The following LAMA1 variants were observed in gnomAD, a reference collection of about 807,000 sequenced individuals.
LAMA1 encodes the protein laminin subunit alpha 1.
LAMA1 carries 219 observed loss-of-function variants against 348.7 expected under a neutral mutation model. The observed-to-expected ratio is 0.63, with a 90% CI of 0.56 to 0.70. The LOEUF is 0.70. Ranked by LOEUF, LAMA1 falls within the 30% of genes least tolerant of loss-of-function variation. The probability of loss-of-function intolerance (pLI) is 0.00; values close to 1 mark genes in which losing one functional copy is unlikely to be tolerated. For synonymous variants in LAMA1, 1,487 were observed against 1,491.0 expected, an observed-to-expected ratio of 1.00 and a Z score of 0.06; for missense variants, 3,744 against 3,888.0, an observed-to-expected ratio of 0.96 and a Z score of 0.99.
chr18:6,978,465 G>T (rs981261303), intron 42 of LAMA1, 87 bp from the exon 43 acceptor site: 1 of 1,236,322 alleles, frequency 8.1e-7, no homozygotes, highest in South Asian at 1.2e-5. Context: ...ATTTCGCACA[G>T]AAATATATTA....
rs149833099 is a variant in LAMA1, at chr18:7,102,593, C to A, written c.61+15067G>T. Among the ~76,000 whole-genome samples the A allele has an allele frequency of 2.5e-3, 384 of 152,284 alleles. 3 individuals carry two copies. Among genetic ancestry groups the A allele is most frequent in the African/African-American group, 8.8e-3 (367 of 41,550 alleles). The stretch of plus-strand genomic sequence containing the variant: ...TTCTGTTGACGATGATACTATCCCA[C>A]AGCAATAAGTGGAGTGATACAGGTG... On this transcript the variant is annotated intron_variant, in intron 1 of 62. Transcript: ENST00000389658.
chr18:7,057,847 T>A (rs903509427), intron 3 of LAMA1, among the ~76,000 whole-genome samples: 5 of 151,250 alleles, frequency 3.3e-5, no homozygotes, highest in African/African-American at 1.2e-4. Context: ...CAGGTTGGAG[T>A]GCAGTGGTGC....
At position 7,033,113 on chromosome 18, in the gene LAMA1, G is replaced by T. The variant is rs139216533; in HGVS notation, c.2052-18C>A. ...ACTCCAACCTACAAATAGACAGATT[G>T]TTATGTGACTCACACGCTCGCAAAT... On this transcript the variant is annotated intron_variant, in intron 14 of 62. Transcript: ENST00000389658. 789 of 1,530,588 alleles carry T rather than the reference G, an allele frequency of 5.2e-4. 5 individuals are homozygous for T. In the African/African-American group the frequency reaches 9.8e-3, roughly 19 times the overall value. 94.8% of individuals were successfully genotyped at this position (1,530,588 alleles called of 1,614,324 possible).
At position 7,016,588 on chromosome 18, in the gene LAMA1, C is replaced by A; in HGVS notation, c.2892G>T (p.Thr964=). Residue 964 remains threonine, a synonymous_variant, in exon 21 of 63, where the codon ACG becomes ACT. Transcript: ENST00000389658. ...GGACACAGTGACACTGGCCTTCATC[C>A]GTGCAGCCATCTGACACGGAGCCTG... ...SVAGSVSDGC[T]DEGQCHCVPG... is the part of the protein sequence containing the mutation. 2 of 1,614,194 alleles carry A rather than the reference C, an allele frequency of 1.2e-6. No homozygotes were observed.
chr18:7,038,533 C>T (rs2058006019), intron 11 of LAMA1: 3 of 486,494 alleles, frequency 6.2e-6, no homozygotes, highest in Middle Eastern at 6.1e-4. Flanking sequence ...CCTCCCCACC[C>T]AATCCATTTC....
At chr18:7,079,852 G>C in intron 3 of LAMA1, 123 bp downstream of exon 3, 1 of 756,986 alleles carries the variant, frequency 1.3e-6, no homozygotes, top group Non-Finnish European at 2.3e-6. Context: ...GCCTTCACCT[G>C]GTGGAAATAG....
At chr18:7,114,138 A>G (rs565613589) in intron 1 of LAMA1, among the ~76,000 whole-genome samples, 13 of 152,164 alleles carry the variant, frequency 8.5e-5, no homozygotes, top group Non-Finnish European at 1.8e-4. Context: ...GGTAAAATCA[A>G]TAAGTCTCAA....
At position 7,105,817 on chromosome 18, in the gene LAMA1, T is replaced by A. The variant is rs531141149; in HGVS notation, c.61+11843A>T. Among the ~76,000 whole-genome samples the A allele has an allele frequency of 2.0e-5, 3 of 152,304 alleles. 1 individual carries two copies. The South Asian group carries it at 6.2e-4, about 32-fold the overall frequency. ...TCCCAAAACTTGAGGACTCTAAATG[T>A]CATACATGATCAAGAGTATTTTTCA... On this transcript the variant is annotated intron_variant, in intron 1 of 62. Transcript: ENST00000389658.
intron 17 of LAMA1, among the ~76,000 whole-genome samples, chr18:7,025,262 C>T (rs577983771): frequency 3.9e-5 from 6 of 152,320 alleles, no homozygotes; most frequent in South Asian, 2.1e-4. Context: ...CTCAAATGGG[C>T]GATGCCTGTT....
chr18:7,049,643 T>G (rs1390386120), intron 4 of LAMA1, among the ~76,000 whole-genome samples: 1 of 152,228 alleles, frequency 6.6e-6, no homozygotes, highest in Non-Finnish European at 1.5e-5. Context: ...CCTGATTGTC[T>G]AATGTCAGGA....
At chr18:7,044,495 A>T (rs1216935537) in intron 7 of LAMA1, among the ~76,000 whole-genome samples, 4 of 152,200 alleles carry the variant, frequency 2.6e-5, no homozygotes, top group African/African-American at 9.6e-5. Flanking sequence ...ATTAATACAG[A>T]ATAATAGACT....
chr18:7,113,993 C>T (rs540896843), intron 1 of LAMA1, among the ~76,000 whole-genome samples: 4 of 149,820 alleles, frequency 2.7e-5, no homozygotes, highest in African/African-American at 4.9e-5. Context: ...AGGAGAATGG[C>T]GTGAACCTGG....
At chr18:7,092,549 C>T (rs1448632389) in intron 1 of LAMA1, among the ~76,000 whole-genome samples, 2 of 151,246 alleles carry the variant, frequency 1.3e-5, no homozygotes, top group Non-Finnish European at 2.9e-5. Flanking sequence ...CACTTGAACC[C>T]AGGAGGTGGA....
intron 1 of LAMA1, among the ~76,000 whole-genome samples, chr18:7,111,240 C>T (rs1180710010): frequency 1.3e-5 from 2 of 152,192 alleles, no homozygotes; most frequent in African/African-American, 4.8e-5. Context: ...TGCACGCACA[C>T]TGAAGTCACA....
intron 17 of LAMA1, among the ~76,000 whole-genome samples, chr18:7,025,361 G>T (rs551416771): frequency 1.6e-4 from 24 of 152,264 alleles, no homozygotes; most frequent in African/African-American, 5.5e-4. Flanking sequence ...GCAAATCTGA[G>T]AGAAGAGCTT....
rs1436058110 is a variant in LAMA1, at chr18:7,026,172, C to G, written c.2275-66G>C. 3 of 1,563,724 alleles carry G rather than the reference C, an allele frequency of 1.9e-6. No individual in the cohort carries two copies. The African/African-American group carries it at 4.1e-5, about 21-fold the overall frequency. On this transcript the variant is annotated intron_variant, in intron 16 of 62. Coordinates refer to ENST00000389658, the MANE Select transcript of LAMA1 (RefSeq NM_005559.4). ...AAGGATTTTCAGATTTATCTATAAG[C>G]AACTTGAAGTCCAAGCGGAAAAAAA... is the stretch of plus-strand genomic sequence containing the variant.
chr18:7,050,891 G>A lies in LAMA1; in HGVS notation c.391C>T (p.Arg131Ter), dbSNP rs570589347. The change falls in exon 4 of 63, where the codon CGA becomes TGA. Residue 131 changes from arginine to a stop codon, truncating the protein, a stop_gained. Transcript: ENST00000389658. LOFTEE classifies it high-confidence loss of function. ...CGCTCCAAAATCCAGTTTCCAGGTC[G>A]AGGGGCATTGGCAGCTTTAATGATG... Reference protein sequence around the residue: ...YVIIKAANAPRPGNWILERSL... With the variant: ...YVIIKAANAP 3.1e-6 allele frequency: 5 copies of A among 1,614,158 alleles called. No homozygotes were observed. The highest frequency in any genetic ancestry group is 4.2e-6 in the Non-Finnish European group (5 of 1,180,036).
chr18:6,995,392 C>T lies in LAMA1; in HGVS notation c.4861G>A (p.Gly1621Ser). 1 of 1,613,768 alleles carries T rather than the reference C, an allele frequency of 6.2e-7. No homozygotes were observed. The highest frequency in any genetic ancestry group is 8.5e-7 in the Non-Finnish European group (1 of 1,179,632). Residue 1621 changes from glycine to serine, a missense_variant, in exon 34 of 63, where the codon GGT becomes AGT. By Grantham distance (56) the Gly-to-Ser change is moderately conservative. Coordinates refer to ENST00000389658, the MANE Select transcript of LAMA1 (RefSeq NM_005559.4). The stretch of plus-strand genomic sequence containing the variant: ...AGGTTGTCCGTTTCTTCTGCAACAC[C>T]TTCAAGCTTAATTTTTCCCAGGTCC... ...QKDLGKIKLE[G>S]VAEETDNLQK... is the part of the protein sequence containing the mutation.
intron 1 of LAMA1, among the ~76,000 whole-genome samples, chr18:7,096,986 CA>C (rs2058263979): frequency 6.6e-6 from 1 of 152,174 alleles, no homozygotes; most frequent in Non-Finnish European, 1.5e-5. Context: ...CCGTGAAAGC[CA>C]GCAGCTCCAC....
Sources: gnomAD v4.1 joint callset for allele counts (sites outside exome capture counted in the v4.1 genomes callset) on GRCh38, gnomAD v4.1.1 for gene constraint, MANE v1.5 for transcripts, NCBI Gene and HGNC (gene_info 2026-07-23, HGNC 2026-07-21) for gene names.